The following ADAMTSL1 variants were observed in gnomAD, a reference collection of about 807,000 sequenced individuals.
ADAMTSL1 encodes the protein ADAMTS like 1.
ADAMTSL1 carries 126 observed loss-of-function variants against 201.8 expected under a neutral mutation model. The ratio of observed to expected loss-of-function variants is 0.62; its 90% CI spans 0.54 to 0.72. ADAMTSL1 has a LOEUF of 0.72. Ranked by LOEUF, ADAMTSL1 falls within the 30% of genes least tolerant of loss-of-function variation. The pLI, the probability that ADAMTSL1 is intolerant of heterozygous loss-of-function variation, is 0.00. For missense variants in ADAMTSL1, 2,679 were observed against 2,277.8 expected (o/e 1.18, Z -3.59); for synonymous variants, 1,121 against 903.4 (o/e 1.24, Z -4.32).
rs1326348544 is a variant in ADAMTSL1 at position 18,826,348 on chromosome 9, G to T, written c.3999G>T (p.Leu1333=). 3 of 1,613,330 alleles carry T rather than the reference G, an allele frequency of 1.9e-6. No individual in the cohort carries two copies. Among genetic ancestry groups the T allele is most frequent in the African/African-American group, 2.7e-5 (2 of 74,814 alleles). ...NKSKLGSPHH[L]HEGSLLLTNV... ...GCAAACTGGGCTCCCCGCACCATCT[G>T]CACGAAGGCTCCTTGCTGCTCACAA... is the stretch of plus-strand genomic sequence containing the variant. The change falls in exon 22 of 29, where the codon CTG becomes CTT. Residue 1333 remains leucine, a synonymous_variant. Coordinates refer to ENST00000380548, the MANE Select transcript of ADAMTSL1 (RefSeq NM_001040272.6).
chr9:18,419,807 G>T (rs1818859408), intron 2 of ADAMTSL1, among the ~76,000 whole-genome samples: 1 of 143,032 alleles, frequency 7.0e-6, no homozygotes, highest in African/African-American at 2.6e-5. Context: ...TTAGTTCACT[G>T]CAACCTCCGC....
intron 4 of ADAMTSL1, among the ~76,000 whole-genome samples, chr9:18,592,673 C>A (rs1274221502): frequency 6.6e-6 from 1 of 152,086 alleles, no homozygotes; most frequent in Non-Finnish European, 1.5e-5. Flanking sequence ...CAGTTTTGTT[C>A]TTTTTGCTCA....
intron 4 of ADAMTSL1, among the ~76,000 whole-genome samples, chr9:18,577,106 C>G (rs544924139): frequency 3.3e-5 from 5 of 152,258 alleles, no homozygotes; most frequent in African/African-American, 1.2e-4. Context: ...TTTATTAATT[C>G]TATGTATTGA....
Position 18,478,482 on chromosome 9 carries a change from C to T in ADAMTSL1, c.63+4187C>T, listed in dbSNP as rs928954943. Among the ~76,000 whole-genome samples the T allele has an allele frequency of 4.6e-5, 7 of 152,122 alleles. No homozygotes were observed. The East Asian group carries it at 1.2e-3, about 25-fold the overall frequency. On this transcript the variant is annotated intron_variant, in intron 1 of 28. Transcript: ENST00000380548. ...AGAAAAAATGACTTACAGAGACTAT[C>T]GAAGGGTTCTTTAATTCTTCATATT...
intron 20 of ADAMTSL1, among the ~76,000 whole-genome samples, chr9:18,814,457 A>G (rs149592512): frequency 1.0e-3 from 158 of 152,356 alleles, no homozygotes; most frequent in African/African-American, 3.7e-3. Context: ...AAATATTTGC[A>G]AACTCTTTAT....
At chr9:18,452,202 C>T (rs549178743) in intron 2 of ADAMTSL1, among the ~76,000 whole-genome samples, 32 of 152,174 alleles carry the variant, frequency 2.1e-4, no homozygotes, top group South Asian at 4.2e-4. Flanking sequence ...CATGAGCCAC[C>T]GCACCCTGCC....
At chr9:18,478,076 T>C (rs566332073) in intron 1 of ADAMTSL1, among the ~76,000 whole-genome samples, 1 of 152,328 alleles carries the variant, frequency 6.6e-6, no homozygotes, top group African/African-American at 2.4e-5. Flanking sequence ...TACTATTATG[T>C]ATGTATAAAT....
intron 2 of ADAMTSL1, among the ~76,000 whole-genome samples, chr9:18,173,062 A>T (rs976878480): frequency 2.6e-5 from 4 of 152,122 alleles, no homozygotes; most frequent in Non-Finnish European, 5.9e-5. Context: ...CTGATTTTTT[A>T]AAAATGATAA....
chr9:18,181,354 A>C (rs1470964531), intron 2 of ADAMTSL1, among the ~76,000 whole-genome samples: 11 of 152,254 alleles, frequency 7.2e-5, no homozygotes, highest in African/African-American at 2.7e-4. Context: ...CAGGCAATCT[A>C]CAAAATGGGA....
intron 23 of ADAMTSL1, among the ~76,000 whole-genome samples, chr9:18,847,951 C>T (rs1032071391): frequency 2.0e-5 from 3 of 152,348 alleles, no homozygotes; most frequent in African/African-American, 4.8e-5. Flanking sequence ...GCTTTTCCAG[C>T]ATTAGACAGG....
chr9:18,006,960 C>T (rs1329033749), intron 1 of ADAMTSL1, among the ~76,000 whole-genome samples: 1 of 151,946 alleles, frequency 6.6e-6, no homozygotes, highest in Non-Finnish European at 1.5e-5. Flanking sequence ...ATCTTATGCT[C>T]TTACGTATTT....
At chr9:18,331,539 A>G (rs1419611780) in intron 2 of ADAMTSL1, among the ~76,000 whole-genome samples, 1 of 152,180 alleles carries the variant, frequency 6.6e-6, no homozygotes, top group African/African-American at 2.4e-5. Flanking sequence ...GTGATAGCAA[A>G]TAAGCCCCCA....
At chr9:17,979,895 G>T (rs1386114475) in intron 1 of ADAMTSL1, among the ~76,000 whole-genome samples, 2 of 152,104 alleles carry the variant, frequency 1.3e-5, no homozygotes, top group African/African-American at 4.8e-5. Context: ...TGAGTTAATG[G>T]GTGGGTAGTC....
intron 2 of ADAMTSL1, among the ~76,000 whole-genome samples, chr9:18,405,076 T>A (rs114237500): frequency 2.0e-5 from 3 of 152,254 alleles, no homozygotes; most frequent in South Asian, 2.1e-4. Flanking sequence ...ACCTGACGTG[T>A]TTGTCTCCCT....
chr9:18,272,345 A>T (rs970509772), intron 2 of ADAMTSL1, among the ~76,000 whole-genome samples: 1 of 152,230 alleles, frequency 6.6e-6, no homozygotes, highest in Non-Finnish European at 1.5e-5. Context: ...TGACAAAAAC[A>T]AGAAATGGGG....
At chr9:18,090,054 G>A (rs1186103974) in intron 1 of ADAMTSL1, among the ~76,000 whole-genome samples, 1 of 151,980 alleles carries the variant, frequency 6.6e-6, no homozygotes, top group Admixed American at 6.6e-5. Context: ...TAAATGCTTG[G>A]TATTAAAAAT....
At chr9:18,805,977 C>G (rs766123399) in intron 20 of ADAMTSL1, among the ~76,000 whole-genome samples, 12 of 152,224 alleles carry the variant, frequency 7.9e-5, no homozygotes, top group African/African-American at 2.9e-4. Context: ...ACATGCACAC[C>G]TCCTAGCCTA....
intron 1 of ADAMTSL1, among the ~76,000 whole-genome samples, chr9:18,007,086 AGCCTAGGATTAATTTT>A (rs1429790164): frequency 6.6e-6 from 1 of 152,034 alleles, no homozygotes; most frequent in East Asian, 1.9e-4. Flanking sequence ...TGGAGCTGTG[AGCCTAGGATTAATTTT>A]GCCAAGCATT....
intron 2 of ADAMTSL1, among the ~76,000 whole-genome samples, chr9:18,235,360 C>G (rs1465548462): frequency 6.6e-6 from 1 of 152,104 alleles, no homozygotes; most frequent in Non-Finnish European, 1.5e-5. Context: ...ATCAAAGGTA[C>G]CTGCTATCAA....
Sources: gnomAD v4.1 joint callset for allele counts (sites outside exome capture counted in the v4.1 genomes callset) on GRCh38, gnomAD v4.1.1 for gene constraint, MANE v1.5 for transcripts, NCBI Gene and HGNC (gene_info 2026-07-23, HGNC 2026-07-21) for gene names.